Variants in GRIK2 observed in about 807,000 individuals in gnomAD.
GRIK2 encodes glutamate ionotropic receptor kainate type subunit 2.
Under a neutral mutation model 100.3 loss-of-function variants are expected in GRIK2, and 32 were observed. The ratio of observed to expected loss-of-function variants is 0.32; its 90% confidence interval spans 0.24 to 0.43. The LOEUF (loss-of-function observed/expected upper bound fraction) is 0.43. Ranked by LOEUF, GRIK2 falls within the 20% of genes least tolerant of loss-of-function variation. The pLI is 1.00. For missense variants in GRIK2, 843 were observed against 1,114.9 expected (o/e 0.76, Z 3.47); for synonymous variants, 417 against 389.4 (o/e 1.07, Z -0.83).
At chr6:101,479,399 A>C (rs1340863633) in intron 2 of GRIK2, among the ~76,000 whole-genome samples, 2 of 152,150 alleles carry the variant, frequency 1.3e-5, no homozygotes, top group Non-Finnish European at 2.9e-5. Flanking sequence ...TGAGTATGGC[A>C]TGTTGAAAAA....
intron 10 of GRIK2, among the ~76,000 whole-genome samples, chr6:101,849,837 T>TC (rs1318516656): frequency 1.1e-5 from 1 of 90,784 alleles, no homozygotes; most frequent in Non-Finnish European, 2.4e-5. Flanking sequence ...TTTTTTTTTT[T>TC]TTGGTCAACC....
chr6:101,731,947 A>C (rs1775301125), intron 7 of GRIK2, among the ~76,000 whole-genome samples: 1 of 152,082 alleles, frequency 6.6e-6, no homozygotes, highest in African/African-American at 2.4e-5. Flanking sequence ...TCTCAAAAAT[A>C]GTAAGGGCAA....
chr6:101,768,235 T>C (rs138736314), intron 7 of GRIK2, among the ~76,000 whole-genome samples: 1,960 of 152,308 alleles, frequency 0.013, 40 homozygotes, highest in African/African-American at 0.045. Flanking sequence ...ACATTAAGGC[T>C]GCTGCATTTT....
At chr6:101,674,189 G>A (rs1232674277) in intron 4 of GRIK2, among the ~76,000 whole-genome samples, 2 of 152,112 alleles carry the variant, frequency 1.3e-5, no homozygotes, top group African/African-American at 4.8e-5. Flanking sequence ...CTAAAACCAG[G>A]TGAAACCAGG....
chr6:102,032,204 T>C (rs1330821127), intron 14 of GRIK2, among the ~76,000 whole-genome samples: 1 of 151,212 alleles, frequency 6.6e-6, no homozygotes, highest in Non-Finnish European at 1.5e-5. Flanking sequence ...GACTGGAAGA[T>C]AGAGATGCCT....
intron 2 of GRIK2, among the ~76,000 whole-genome samples, chr6:101,447,027 A>G (rs1770418473): frequency 6.8e-6 from 1 of 147,804 alleles, no homozygotes; most frequent in East Asian, 1.9e-4. Context: ...TATTATATAT[A>G]TTTTATATGT....
chr6:101,953,443 G>C (rs1424700261), intron 14 of GRIK2, among the ~76,000 whole-genome samples: 2 of 152,106 alleles, frequency 1.3e-5, no homozygotes, highest in Non-Finnish European at 2.9e-5. Context: ...CTGTTTTTAT[G>C]ATTATAGCCA....
intron 7 of GRIK2, among the ~76,000 whole-genome samples, chr6:101,737,264 T>G (rs2128375065): frequency 6.6e-6 from 1 of 152,232 alleles, no homozygotes; most frequent in East Asian, 1.9e-4. Context: ...TTTTCAGTAT[T>G]TTTTCAGCAG....
At chr6:101,451,017 G>C (rs183993773) in intron 2 of GRIK2, among the ~76,000 whole-genome samples, 189 of 151,732 alleles carry the variant, frequency 1.2e-3, no homozygotes, top group Non-Finnish European at 1.6e-3. Context: ...GACAATGTTT[G>C]AATCTCCTTT....
chr6:101,590,251 A>T (rs975491212), intron 2 of GRIK2, among the ~76,000 whole-genome samples: 1 of 151,970 alleles, frequency 6.6e-6, no homozygotes, highest in African/African-American at 2.4e-5. Context: ...CTGCTTTGTG[A>T]TACTGAAGCT....
chr6:101,621,603 G>A (rs1653950097), intron 2 of GRIK2, among the ~76,000 whole-genome samples: 1 of 151,970 alleles, frequency 6.6e-6, no homozygotes, highest in Admixed American at 6.6e-5. Flanking sequence ...ATAAATTTCA[G>A]TACTTAAGTC....
intron 2 of GRIK2, among the ~76,000 whole-genome samples, chr6:101,552,288 G>C (rs1776548543): frequency 6.6e-6 from 1 of 152,110 alleles, no homozygotes; most frequent in East Asian, 1.9e-4. Context: ...TTTGGTGCTG[G>C]AGGGCTGAAG....
intron 14 of GRIK2, among the ~76,000 whole-genome samples, chr6:101,962,131 T>C (rs1307844712): frequency 6.6e-6 from 1 of 152,118 alleles, no homozygotes; most frequent in Admixed American, 6.5e-5. Flanking sequence ...ATCTACCTTA[T>C]CCATGGGACT....
chr6:101,786,654 TGTA>T (rs1383505034), intron 7 of GRIK2, among the ~76,000 whole-genome samples: 1 of 152,152 alleles, frequency 6.6e-6, no homozygotes. Context: ...TTGATCATGT[TGTA>T]GTACCTTTTG....
chr6:101,951,404 A>G (rs1413970), intron 14 of GRIK2, among the ~76,000 whole-genome samples: 125,724 of 152,188 alleles, frequency 0.83, 52,115 homozygotes, highest in East Asian at 0.94. Flanking sequence ...TCAATTGTTG[A>G]AGTAAATGGA....
chr6:101,845,571 A>C (rs1312095428), intron 10 of GRIK2, among the ~76,000 whole-genome samples: 1 of 152,190 alleles, frequency 6.6e-6, no homozygotes, highest in East Asian at 1.9e-4. Context: ...ACTGATTGGC[A>C]TTCAGTTTAT....
At chr6:101,942,565 A>T (rs1791021224) in intron 14 of GRIK2, among the ~76,000 whole-genome samples, 1 of 152,152 alleles carries the variant, frequency 6.6e-6, no homozygotes, top group Non-Finnish European at 1.5e-5. Context: ...TGATGAACTT[A>T]TTGGGAACTG....
intron 2 of GRIK2, among the ~76,000 whole-genome samples, chr6:101,434,627 T>C (rs1311342650): frequency 6.6e-6 from 1 of 152,164 alleles, no homozygotes; most frequent in African/African-American, 2.4e-5. Context: ...GATGTGAAGA[T>C]TTAAAATATT....
At chr6:101,419,617 C>A (rs1776319919) in intron 2 of GRIK2, among the ~76,000 whole-genome samples, 2 of 152,174 alleles carry the variant, frequency 1.3e-5, no homozygotes, top group Non-Finnish European at 2.9e-5. Context: ...ACGCAGTATT[C>A]ATTAGTCCCT....
Sources: allele counts gnomAD v4.1 joint callset (sites outside exome capture counted in the v4.1 genomes callset), GRCh38; gene constraint gnomAD v4.1.1; transcripts MANE v1.5; gene names NCBI Gene and HGNC (gene_info 2026-07-23, HGNC 2026-07-21).